The following EGLN1 variants were observed in gnomAD, a reference collection of about 807,000 sequenced individuals.
The protein encoded by EGLN1 is egl nine homolog 1.
Under a neutral mutation model 38.3 loss-of-function variants are expected in EGLN1, and 17 were observed. The ratio of observed to expected loss-of-function variants is 0.44; its 90% CI spans 0.30 to 0.67. The LOEUF is 0.67. EGLN1 is among the 30% of genes least tolerant of loss of function. The probability of loss-of-function intolerance (pLI) is 0.08; values close to 1 mark genes in which losing one functional copy is unlikely to be tolerated. For missense variants in EGLN1, 477 were observed against 603.3 expected (o/e 0.79, Z 2.19); for synonymous variants, 283 against 257.5 (o/e 1.10, Z -0.95).
chr1:231,394,954 T>G (rs1688484056), intron 1 of EGLN1, among the ~76,000 whole-genome samples: 1 of 152,190 alleles, frequency 6.6e-6, no homozygotes, highest in Admixed American at 6.5e-5. Context: ...CCTCTGAAAT[T>G]TTAATATGCA....
intron 1 of EGLN1, among the ~76,000 whole-genome samples, chr1:231,417,270 C>T (rs899004857): frequency 6.6e-6 from 1 of 152,204 alleles, no homozygotes; most frequent in Non-Finnish European, 1.5e-5. Context: ...TAATCTGCTG[C>T]TTATTAGTCC....
rs576443061 is a variant in EGLN1, at chr1:231,376,550, T to C, written c.892-2451A>G. ...AGGTATGTATGTACAGGAAAAAATA[T>C]AGTATATTAGGATTTGGTACTATCC... On this transcript the variant is annotated intron_variant, in intron 1 of 4. Transcript: ENST00000366641. Among the ~76,000 whole-genome samples the C allele has an allele frequency of 1.6e-4, 24 of 152,310 alleles. 1 individual carries two copies. The highest frequency in any genetic ancestry group is 5.5e-4 in the African/African-American group (23 of 41,576).
chr1:231,368,527 T>C (rs1687722641), intron 3 of EGLN1, among the ~76,000 whole-genome samples: 1 of 152,198 alleles, frequency 6.6e-6, no homozygotes, highest in South Asian at 2.1e-4. Flanking sequence ...AAGTGAGGCA[T>C]CTCTAGTTTA....
At chr1:231,385,951 T>C (rs1206132462) in intron 1 of EGLN1, among the ~76,000 whole-genome samples, 2 of 152,144 alleles carry the variant, frequency 1.3e-5, no homozygotes, top group African/African-American at 2.4e-5. Context: ...CCTGGGCTCC[T>C]GCCTCAGCCT....
intron 1 of EGLN1, among the ~76,000 whole-genome samples, chr1:231,417,749 T>C (rs1475291894): frequency 3.9e-5 from 6 of 152,162 alleles, no homozygotes; most frequent in African/African-American, 1.4e-4. Context: ...TTTTTTAAAG[T>C]AGTTGCATAA....
intron 1 of EGLN1, among the ~76,000 whole-genome samples, chr1:231,377,034 C>G (rs980641649): frequency 1.3e-5 from 2 of 152,202 alleles, no homozygotes; most frequent in African/African-American, 4.8e-5. Flanking sequence ...AGGAAGCCAA[C>G]AGAGAATGTA....
At chr1:231,396,022 C>T (rs568719193) in intron 1 of EGLN1, among the ~76,000 whole-genome samples, 3 of 133,132 alleles carry the variant, frequency 2.3e-5, no homozygotes, top group East Asian at 2.2e-4. Context: ...TCCCAAATTA[C>T]CCCACTCCTT....
At chr1:231,415,552 G>T (rs974275307) in intron 1 of EGLN1, among the ~76,000 whole-genome samples, 2 of 152,092 alleles carry the variant, frequency 1.3e-5, no homozygotes, top group African/African-American at 4.8e-5. Flanking sequence ...AATGAGACAG[G>T]GAAAGCACAG....
chr1:231,378,971 C>T (rs1029319022), intron 1 of EGLN1, among the ~76,000 whole-genome samples: 5 of 152,136 alleles, frequency 3.3e-5, no homozygotes, highest in Admixed American at 6.5e-5. Context: ...CACTTATAGG[C>T]CAGGCATGGA....
intron 1 of EGLN1, among the ~76,000 whole-genome samples, chr1:231,394,423 G>C (rs1319836749): frequency 6.9e-6 from 1 of 145,614 alleles, no homozygotes; most frequent in East Asian, 2.0e-4. Flanking sequence ...CTGTTGCCCA[G>C]GTTGGAGTGC....
intron 1 of EGLN1, among the ~76,000 whole-genome samples, chr1:231,383,173 AT>A (rs551998307): frequency 2.0e-4 from 30 of 151,278 alleles, no homozygotes; most frequent in African/African-American, 7.3e-4. Context: ...TTCCTAATAA[AT>A]TTTTTTTGTG....
In EGLN1 at chr1:231,374,150, G is replaced by A. The variant is rs368119505; in HGVS notation, c.892-51C>T. 132 of 1,546,160 alleles carry A rather than the reference G, an allele frequency of 8.5e-5. No homozygotes were observed. The African/African-American group carries it at 1.6e-3, about 19-fold the overall frequency. Reference sequence around the variant, plus strand: ...TAAAGTCCATGTATAAATAAAAAGAGAGAACAGCTAATAAATCAGATCTCT... The same window carrying A: ...TAAAGTCCATGTATAAATAAAAAGAAAGAACAGCTAATAAATCAGATCTCT... On this transcript the variant is annotated intron_variant, in intron 1 of 4. Coordinates refer to ENST00000366641, the MANE Select transcript of EGLN1 (RefSeq NM_022051.3).
At chr1:231,388,399 T>C (rs370475495) in intron 1 of EGLN1, among the ~76,000 whole-genome samples, 1 of 152,196 alleles carries the variant, frequency 6.6e-6, no homozygotes, top group Non-Finnish European at 1.5e-5. Context: ...AGTTTCTCTA[T>C]GAATCCTACA....
intron 1 of EGLN1, among the ~76,000 whole-genome samples, chr1:231,380,233 G>A (rs543230755): frequency 4.1e-5 from 6 of 147,268 alleles, no homozygotes; most frequent in East Asian, 4.1e-4. Context: ...CTTGAATGGC[G>A]TGAACCCGGG....
chr1:231,365,931 T>G lies in EGLN1; in HGVS notation c.*480A>C, dbSNP rs1025044054. 1.3e-5 allele frequency: 2 copies of G among 157,062 alleles called. No homozygotes were observed. The highest frequency in any genetic ancestry group is 4.8e-5 in the African/African-American group (2 of 41,474). The allele number at this position is 157,062 out of a possible 1,614,324, so 9.7% of individuals were successfully genotyped here. On this transcript the variant is annotated 3_prime_UTR_variant, in exon 5 of 5. Transcript: ENST00000366641. ...TATTAAGAGGTCTTTTAGGGCAAAATTTAATAGTATGAACAGGTTTACAAA... is the reference window on the plus strand; with the variant it reads ...TATTAAGAGGTCTTTTAGGGCAAAAGTTAATAGTATGAACAGGTTTACAAA...
At chr1:231,383,389 A>G (rs1359840665) in intron 1 of EGLN1, among the ~76,000 whole-genome samples, 1 of 152,218 alleles carries the variant, frequency 6.6e-6, no homozygotes, top group East Asian at 1.9e-4. Flanking sequence ...CACACAGTAC[A>G]GTGTAATAAA....
intron 1 of EGLN1, 86 bp from the exon 2 acceptor site, chr1:231,374,185 C>T (rs1467565838): frequency 7.9e-7 from 1 of 1,266,038 alleles, no homozygotes; most frequent in Non-Finnish European, 1.1e-6. Flanking sequence ...TGATTTTTGG[C>T]TACTGATTTA....
intron 1 of EGLN1, among the ~76,000 whole-genome samples, chr1:231,391,133 T>TGAGA (rs1163396272): frequency 1.6e-4 from 9 of 56,836 alleles, no homozygotes; most frequent in African/African-American, 3.4e-4. Context: ...TGTGTGTGTG[T>TGAGA]GAGACAGGGA....
At chr1:231,416,990 T>C (rs1689100667) in intron 1 of EGLN1, among the ~76,000 whole-genome samples, 3 of 152,238 alleles carry the variant, frequency 2.0e-5, no homozygotes, top group Admixed American at 1.3e-4. Flanking sequence ...AAAGGTGTAC[T>C]TATGTATTTA....
Sources: allele counts gnomAD v4.1 joint callset (sites outside exome capture counted in the v4.1 genomes callset), GRCh38; gene constraint gnomAD v4.1.1; transcripts MANE v1.5; gene names NCBI Gene and HGNC (gene_info 2026-07-23, HGNC 2026-07-21).